KIRREL3: variants seen among roughly 807,000 people sequenced by gnomAD.
KIRREL3 encodes the protein kin of IRRE-like protein 3.
KIRREL3 carries 36 observed loss-of-function variants against 89.7 expected under a neutral mutation model. The observed-to-expected ratio is 0.40, with a 90% CI of 0.31 to 0.53. The LOEUF is 0.53. KIRREL3 is among the 20% of genes least tolerant of loss of function. KIRREL3 has a pLI of 0.49. For missense variants in KIRREL3, 864 were observed against 1,056.6 expected, an observed-to-expected ratio of 0.82 and a Z score of 2.53; for synonymous variants, 445 against 441.4, an observed-to-expected ratio of 1.01 and a Z score of -0.10.
chr11:126,482,161 C>A (rs1406393894), intron 4 of KIRREL3, among the ~76,000 whole-genome samples: 1 of 152,198 alleles, frequency 6.6e-6, no homozygotes, highest in Non-Finnish European at 1.5e-5. Context: ...GCCTCAGCCT[C>A]CTGAGTAGCT....
chr11:126,702,736 C>T (rs561734200), intron 1 of KIRREL3, among the ~76,000 whole-genome samples: 6 of 152,316 alleles, frequency 3.9e-5, no homozygotes, highest in South Asian at 2.1e-4. Flanking sequence ...TGGTGCACCC[C>T]GCTGTATCTC....
rs928976333 is a variant in KIRREL3 at position 126,686,776 on chromosome 11, C to T, written c.56-123864G>A. Among the ~76,000 whole-genome samples the T allele has an allele frequency of 6.6e-6, 1 of 152,024 alleles. No individual in the cohort carries two copies. The highest frequency in any genetic ancestry group is 1.5e-5 in the Non-Finnish European group (1 of 68,004). On this transcript the variant is annotated intron_variant, in intron 1 of 16. Coordinates refer to ENST00000525144, the MANE Select transcript of KIRREL3 (RefSeq NM_032531.4). This position sits in a 1 kb window ranked among gnomAD's most constrained non-coding sequence, Gnocchi z 4.7. ...TGTATTTTTAGTAGAGATGGGGCTT[C>T]GCATGTTGGCCAGGCTGGTCTCGAA...
rs1945122278 is a variant in KIRREL3, at chr11:126,656,045, G to C, written c.56-93133C>G. On this transcript the variant is annotated intron_variant, in intron 1 of 16. Transcript: ENST00000525144. This position sits in a 1 kb window ranked among gnomAD's most constrained non-coding sequence, Gnocchi z 4.0. The stretch of plus-strand genomic sequence containing the variant: ...GAAGTGTGTGGAAATGGGAACCTGA[G>C]CCAGGAGAGTCCTGTGGATTCACTA... 1 of 427,482 alleles carries C rather than the reference G, an allele frequency of 2.3e-6. No homozygotes were observed. The highest frequency in any genetic ancestry group is 1.7e-5 in the South Asian group (1 of 59,452). The allele number at this position is 427,482 out of a possible 1,614,324, so 26.5% of individuals were successfully genotyped here. A position where few individuals can be genotyped will look rare whatever the true frequency, so the allele number is the denominator to read the frequency against.
chr11:126,451,391 AACGTGT>A (rs1956145635), intron 7 of KIRREL3, among the ~76,000 whole-genome samples: 1 of 49,178 alleles, frequency 2.0e-5, no homozygotes, highest in African/African-American at 1.0e-4. Context: ...TGCATGTGTG[AACGTGT>A]GCATGTGTGC....
At chr11:126,834,685 G>A (rs1048442766) in intron 1 of KIRREL3, among the ~76,000 whole-genome samples, 2 of 152,246 alleles carry the variant, frequency 1.3e-5, no homozygotes, top group Admixed American at 1.3e-4. Flanking sequence ...AGGAGTCTCA[G>A]CAACATCCTT....
chr11:126,904,996 AGATGG>A lies in KIRREL3; in HGVS notation c.55+95454_55+95458del. Among the ~76,000 whole-genome samples, 1 of 152,322 alleles carries A rather than the reference AGATGG, an allele frequency of 6.6e-6. No homozygotes were observed. Among genetic ancestry groups the A allele is most frequent in the South Asian group, 2.1e-4 (1 of 4,830 alleles). On this transcript the variant is annotated intron_variant, in intron 1 of 16. Transcript: ENST00000525144. The surrounding 1 kb of genome is among the most constrained non-coding windows in gnomAD (Gnocchi z 4.4). ...ATAGTGTGTAAAAAAATTCATCTTCAGATGGGTATTTGTGGCAATGCTTCAGAGGG... is the reference window on the plus strand; with the variant it reads ...ATAGTGTGTAAAAAAATTCATCTTCAGTATTTGTGGCAATGCTTCAGAGGG...
chr11:126,858,072 G>A (rs1324546024), intron 1 of KIRREL3, among the ~76,000 whole-genome samples: 1 of 152,184 alleles, frequency 6.6e-6, no homozygotes, highest in Non-Finnish European at 1.5e-5. Context: ...CGCCAAATGT[G>A]CCAGGAGCCT....
chr11:126,459,014 G>A lies in KIRREL3; in HGVS notation c.743-2560C>T, dbSNP rs1282452959. ...AACATGGACACTCAGGGAGGAGCCT[G>A]CATCTCGCCGTGGGTTGGAGAAGTG... On this transcript the variant is annotated intron_variant, in intron 6 of 16. Coordinates refer to ENST00000525144, the MANE Select transcript of KIRREL3 (RefSeq NM_032531.4). The surrounding 1 kb of genome is among the most constrained non-coding windows in gnomAD (Gnocchi z 4.8). Among the ~76,000 whole-genome samples, 1 of 152,196 alleles carries A rather than the reference G, an allele frequency of 6.6e-6. No homozygotes were observed. The highest frequency in any genetic ancestry group is 1.9e-4 in the East Asian group (1 of 5,164).
At chr11:126,781,946 C>T (rs1950339011) in intron 1 of KIRREL3, among the ~76,000 whole-genome samples, 1 of 152,154 alleles carries the variant, frequency 6.6e-6, no homozygotes, top group Non-Finnish European at 1.5e-5. Context: ...ACTATGAATG[C>T]TTAAAATTCC....
In KIRREL3 at chr11:126,463,156, C is replaced by G; in HGVS notation, c.742+1G>C. On this transcript the variant is annotated splice_donor_variant, in intron 6 of 16. Coordinates refer to ENST00000525144, the MANE Select transcript of KIRREL3 (RefSeq NM_032531.4). LOFTEE classifies it high-confidence loss of function. The surrounding 1 kb of genome is among the most constrained non-coding windows in gnomAD (Gnocchi z 5.9). ...GGTTGGGGGAGGGGGTGGGTACTCA[C>G]GCTGGATGTCAATGGTGACCGACGT... 1 of 1,612,406 alleles carries G rather than the reference C, an allele frequency of 6.2e-7. No homozygotes were observed. The highest frequency in any genetic ancestry group is 8.5e-7 in the Non-Finnish European group (1 of 1,179,522).
In KIRREL3 at chr11:126,796,494, G is replaced by T. The variant is rs9971382; in HGVS notation, c.55+203961C>A. Among the ~76,000 whole-genome samples the T allele has an allele frequency of 0.62, 94,691 of 151,876 alleles. 31,102 individuals are homozygous for T. Among genetic ancestry groups the T allele is most frequent in the African/African-American group, 0.83 (34,405 of 41,428 alleles). On this transcript the variant is annotated intron_variant, in intron 1 of 16. Transcript: ENST00000525144. The surrounding 1 kb of genome is among the most constrained non-coding windows in gnomAD (Gnocchi z 5.1). ...ATATAGCAAGTTACTTGAATGGTGC[G>T]ATTTGAAAAGCCTCCAGTATCTGCT...
intron 1 of KIRREL3, among the ~76,000 whole-genome samples, chr11:126,659,465 G>T (rs1344720871): frequency 6.6e-6 from 1 of 152,204 alleles, no homozygotes; most frequent in East Asian, 1.9e-4. Context: ...GAGTCAGGCT[G>T]GGAGGAAGGC....
rs1949891419 is a variant in KIRREL3, at chr11:126,768,133, T to TCCATCCATCC, written c.56-205222_56-205221insGGATGGATGG. Among the ~76,000 whole-genome samples, 12 of 127,542 alleles carry TCCATCCATCC rather than the reference T, an allele frequency of 9.4e-5. No individual in the cohort carries two copies. The highest frequency in any genetic ancestry group is 3.1e-4 in the African/African-American group (9 of 29,430). 83.7% of individuals were successfully genotyped at this position (127,542 alleles called of 152,430 possible). On this transcript the variant is annotated intron_variant, in intron 1 of 16. Coordinates refer to ENST00000525144, the MANE Select transcript of KIRREL3 (RefSeq NM_032531.4). This position sits in a 1 kb window ranked among gnomAD's most constrained non-coding sequence, Gnocchi z 4.5. ...CTGTCCATCCATCTGTCTATCCATCTATCCATCCATCCATCCATCCATCCA... is the reference window on the plus strand; with the variant it reads ...CTGTCCATCCATCTGTCTATCCATCTCCATCCATCCATCCATCCATCCATCCATCCATCCA...
Position 126,571,786 on chromosome 11 carries a change from T to C in KIRREL3, c.56-8874A>G, listed in dbSNP as rs903591491. On this transcript the variant is annotated intron_variant, in intron 1 of 16. Coordinates refer to ENST00000525144, the MANE Select transcript of KIRREL3 (RefSeq NM_032531.4). This position sits in a 1 kb window ranked among gnomAD's most constrained non-coding sequence, Gnocchi z 7.7. ...TGGGGCGGGGGGATGTTAAATAATG[T>C]TGGTTAAAGAATTTTACGGGAAACA... 3.9e-5 allele frequency among the ~76,000 whole-genome samples: 6 copies of C among 152,206 alleles called. No homozygotes were observed. Among genetic ancestry groups the C allele is most frequent in the African/African-American group, 1.2e-4 (5 of 41,448 alleles).
At chr11:126,478,192 C>A (rs1294150249) in intron 4 of KIRREL3, among the ~76,000 whole-genome samples, 2 of 152,222 alleles carry the variant, frequency 1.3e-5, no homozygotes, top group African/African-American at 4.8e-5. Context: ...ACGCTCTTTC[C>A]TGTTCCTCAC....
chr11:126,999,801 C>G lies in KIRREL3; in HGVS notation c.55+654G>C, dbSNP rs1004415997. Among the ~76,000 whole-genome samples, 1 of 152,208 alleles carries G rather than the reference C, an allele frequency of 6.6e-6. No homozygotes were observed. Among genetic ancestry groups the G allele is most frequent in the Non-Finnish European group, 1.5e-5 (1 of 68,034 alleles). On this transcript the variant is annotated intron_variant, in intron 1 of 16. Coordinates refer to ENST00000525144, the MANE Select transcript of KIRREL3 (RefSeq NM_032531.4). The surrounding 1 kb of genome is among the most constrained non-coding windows in gnomAD (Gnocchi z 5.7). ...TGCTAGGCTGCAGAAAGGAAACCATCAGCACCACGGGCGAAATTTCATTTT... is the reference window on the plus strand; with the variant it reads ...TGCTAGGCTGCAGAAAGGAAACCATGAGCACCACGGGCGAAATTTCATTTT...
At chr11:126,660,528 G>C (rs1046688676) in intron 1 of KIRREL3, among the ~76,000 whole-genome samples, 11 of 152,134 alleles carry the variant, frequency 7.2e-5, no homozygotes, top group Admixed American at 6.5e-4. Flanking sequence ...AACTGACTGT[G>C]TGTCTTGGAC....
In KIRREL3 at chr11:126,552,550, GTTTT is replaced by G. The variant is rs59392843; in HGVS notation, c.133+10281_133+10284del. On this transcript the variant is annotated intron_variant, in intron 2 of 16. Transcript: ENST00000525144. The stretch of plus-strand genomic sequence containing the variant: ...TGCATCACACAGGGGAGAGAGAAAA[GTTTT>G]TTTTTTTTTTTTTTTTTTTTTTTTT... 2.2e-3 allele frequency among the ~76,000 whole-genome samples: 183 copies of G among 81,764 alleles called. 6 individuals carry two copies. Among genetic ancestry groups the G allele is most frequent in the African/African-American group, 6.9e-3 (163 of 23,494 alleles). 53.6% of individuals were successfully genotyped at this position (81,764 alleles called of 152,430 possible).
At chr11:126,461,919 C>A (rs896864924) in intron 6 of KIRREL3, among the ~76,000 whole-genome samples, 1 of 152,198 alleles carries the variant, frequency 6.6e-6, no homozygotes, top group African/African-American at 2.4e-5. Context: ...AAATTCAGAG[C>A]CCAGGACAGA....
Sources: gnomAD v4.1 joint callset for allele counts (sites outside exome capture counted in the v4.1 genomes callset) on GRCh38, gnomAD v4.1.1 for gene constraint, Gnocchi (gnomAD v3.1) non-coding constraint, MANE v1.5 for transcripts, NCBI Gene and HGNC (gene_info 2026-07-23, HGNC 2026-07-21) for gene names.